The following RANBP2 variants were observed in gnomAD, a reference collection of about 807,000 sequenced individuals.
The protein encoded by RANBP2 is E3 SUMO-protein ligase RanBP2.
Under a neutral mutation model 303.6 loss-of-function variants are expected in RANBP2, and 57 were observed. The ratio of observed to expected loss-of-function variants is 0.19; its 90% confidence interval spans 0.15 to 0.23. RANBP2 has a LOEUF of 0.23. RANBP2 is among the 10% of genes least tolerant of loss of function. The probability of loss-of-function intolerance (pLI) is 1.00; values close to 1 mark genes in which losing one functional copy is unlikely to be tolerated. For missense variants in RANBP2, 3,138 were observed against 3,780.8 expected (o/e 0.83, Z 4.46); for synonymous variants, 1,167 against 1,301.5 (o/e 0.90, Z 2.23).
At chr2:109,209,307 AC>A in the RANBP2 span, among the ~76,000 whole-genome samples, 1 of 152,104 alleles carries the variant, frequency 6.6e-6, no homozygotes, top group South Asian at 2.1e-4. Context: ...GATTTTGGTG[AC>A]CATGACTGAG....
At chr2:108,727,311 G>C (rs1573690422) in intron 1 of RANBP2, among the ~76,000 whole-genome samples, 1 of 152,126 alleles carries the variant, frequency 6.6e-6, no homozygotes, top group Non-Finnish European at 1.5e-5. Context: ...CAAATCTTTT[G>C]TCCATGAAAT....
the RANBP2 span, among the ~76,000 whole-genome samples, chr2:109,318,131 A>G: frequency 6.6e-6 from 1 of 151,872 alleles, no homozygotes; most frequent in Admixed American, 6.6e-5. Context: ...AAGCAGAAAA[A>G]CCATTCTAGG....
the RANBP2 span, among the ~76,000 whole-genome samples, chr2:109,441,079 C>G: frequency 6.9e-6 from 1 of 145,096 alleles, no homozygotes. Flanking sequence ...CAAACTATTT[C>G]TGATTAATTT....
At chr2:108,960,136 G>A in the RANBP2 span, among the ~76,000 whole-genome samples, 1 of 152,192 alleles carries the variant, frequency 6.6e-6, no homozygotes, top group Non-Finnish European at 1.5e-5. Context: ...GGTGCTAAGA[G>A]GAGCGGGGTG....
At chr2:109,420,597 C>T in the RANBP2 span, among the ~76,000 whole-genome samples, 1 of 152,146 alleles carries the variant, frequency 6.6e-6, no homozygotes, top group Middle Eastern at 3.2e-3. Context: ...AGGTGCCAGC[C>T]ACCACGCCTG....
chr2:109,512,542 T>A, the RANBP2 span, among the ~76,000 whole-genome samples: 2 of 152,172 alleles, frequency 1.3e-5, no homozygotes. Flanking sequence ...CCTGGTCTAC[T>A]GCATCTGCCT....
At position 108,766,982 on chromosome 2, in the gene RANBP2, A is replaced by G. The variant is rs1489251971; in HGVS notation, c.6443A>G (p.Asp2148Gly). Residue 2148 changes from aspartate to glycine, a missense_variant, in exon 20 of 29, where the codon GAC (aspartate) becomes GGC (glycine). This residue lies in a region of RANBP2 where 103 missense variants were observed against 214.3 expected (regional missense o/e 0.48). Transcript: ENST00000283195. Reference sequence around the variant, plus strand: ...GAGGAATGCCAGCGGCTTCTGTTAGACATACCACTTCAAACTCCCCATAAA... The same window carrying G: ...GAGGAATGCCAGCGGCTTCTGTTAGGCATACCACTTCAAACTCCCCATAAA... ...KFEECQRLLL[D>G]IPLQTPHKLV... 2 of 1,609,426 alleles carry G rather than the reference A, an allele frequency of 1.2e-6. No homozygotes were observed. The highest frequency in any genetic ancestry group is 1.7e-6 in the Non-Finnish European group (2 of 1,179,840).
the RANBP2 span, among the ~76,000 whole-genome samples, chr2:109,063,798 T>C: frequency 1.4e-5 from 2 of 142,954 alleles, no homozygotes; most frequent in African/African-American, 5.2e-5. Context: ...CTGCAAGTAA[T>C]AGAAAAAAAA....
At chr2:109,483,591 C>T in the RANBP2 span, among the ~76,000 whole-genome samples, 16 of 152,292 alleles carry the variant, frequency 1.1e-4, no homozygotes, top group South Asian at 2.1e-4. Context: ...TCTGCTGTGT[C>T]GGCCAAAATA....
chr2:108,904,102 C>T, the RANBP2 span, among the ~76,000 whole-genome samples: 9 of 151,724 alleles, frequency 5.9e-5, no homozygotes, highest in African/African-American at 1.9e-4. Context: ...TTTTTAAAAA[C>T]CCTCAAAACT....
chr2:108,931,580 G>A, the RANBP2 span, among the ~76,000 whole-genome samples: 1 of 152,198 alleles, frequency 6.6e-6, no homozygotes, highest in African/African-American at 2.4e-5. Flanking sequence ...AGCCCAGAGA[G>A]GTTAAGTGAT....
chr2:109,040,748 A>C, the RANBP2 span, among the ~76,000 whole-genome samples: 57 of 152,292 alleles, frequency 3.7e-4, no homozygotes, highest in African/African-American at 1.3e-3. Flanking sequence ...CTCAAATTTT[A>C]ATTAAATTTA....
chr2:108,753,813 C>G lies in RANBP2; in HGVS notation c.2056-12C>G, dbSNP rs780897839. 3.7e-6 allele frequency: 6 copies of G among 1,611,828 alleles called. No homozygotes were observed. In the South Asian group the frequency reaches 6.6e-5, roughly 18 times the overall value. ...AAAACCTAATGATTTCATAAAAGCA[C>G]TATTTGTATAGATTTTTCACAGGAA... On this transcript the variant is annotated splice_polypyrimidine_tract_variant and intron_variant, in intron 14 of 28. Transcript: ENST00000283195.
At chr2:109,419,699 G>A in the RANBP2 span, 2 of 1,500,690 alleles carry the variant, frequency 1.3e-6, no homozygotes, top group Non-Finnish European at 1.8e-6. Context: ...CCTCCTGCCT[G>A]GGCTGACCTG....
At chr2:108,910,878 C>T in the RANBP2 span, 5 of 1,613,962 alleles carry the variant, frequency 3.1e-6, no homozygotes, top group Non-Finnish European at 4.2e-6. Context: ...AGTGAGCAGC[C>T]AGGCTCTCCG....
chr2:109,589,129 T>C, the RANBP2 span, among the ~76,000 whole-genome samples: 2 of 152,018 alleles, frequency 1.3e-5, no homozygotes. Context: ...TTTGTTGTTG[T>C]TGGTTTGTTT....
Position 108,740,540 on chromosome 2 carries a change from G to A in RANBP2, c.834G>A (p.Leu278=), listed in dbSNP as rs199652721. 2.2e-4 allele frequency: 345 copies of A among 1,597,434 alleles called. No homozygotes were observed. The highest frequency in any genetic ancestry group is 2.2e-4 in the Non-Finnish European group (255 of 1,179,790). The change falls in exon 7 of 29, where the codon CTG becomes CTA. Residue 278 remains leucine, a synonymous_variant. Transcript: ENST00000283195. The stretch of plus-strand genomic sequence containing the variant: ...AATCTTTGGGTGGAAATGATGAACT[G>A]TCAGCTACTTTCTTAGAAATGAAAG... ...SVKSLGGNDE[L]SATFLEMKGH...
the RANBP2 span, among the ~76,000 whole-genome samples, chr2:109,360,904 T>C: frequency 1.6e-4 from 25 of 152,228 alleles, no homozygotes; most frequent in African/African-American, 5.8e-4. Context: ...TTGATCTTAG[T>C]GGGAAAGTTT....
At chr2:109,676,099 C>T in the RANBP2 span, among the ~76,000 whole-genome samples, 9 of 152,204 alleles carry the variant, frequency 5.9e-5, no homozygotes, top group East Asian at 1.9e-4. Flanking sequence ...GTGTGTGAAG[C>T]GCTCATGAGA....
Sources: allele counts gnomAD v4.1 joint callset (sites outside exome capture counted in the v4.1 genomes callset), GRCh38; gene constraint gnomAD v4.1.1; regional missense constraint gnomAD v4.1.1; transcripts MANE v1.5; gene names NCBI Gene and HGNC (gene_info 2026-07-23, HGNC 2026-07-21).